Variants in TYW1B observed in about 807,000 individuals in gnomAD.
TYW1B encodes the protein S-adenosyl-L-methionine-dependent tRNA 4-demethylwyosine synthase TYW1B.
Under a neutral mutation model 86.9 loss-of-function variants are expected in TYW1B, and 73 were observed. That is an observed-to-expected ratio of 0.84 (90% CI 0.70 to 1.02). The LOEUF (loss-of-function observed/expected upper bound fraction) is 1.02, where lower values mean the gene tolerates loss of function less well. Ranked by LOEUF, TYW1B falls within the 50% of genes least tolerant of loss-of-function variation. The pLI, the probability that TYW1B is intolerant of heterozygous loss-of-function variation, is 0.00. For missense variants in TYW1B, 637 were observed against 827.4 expected (o/e 0.77, Z 2.82); for synonymous variants, 248 against 292.8 (o/e 0.85, Z 1.56).
intron 6 of TYW1B, among the ~76,000 whole-genome samples, chr7:72,780,397 T>C (rs1213470917): frequency 6.6e-6 from 1 of 152,138 alleles, no homozygotes; most frequent in Non-Finnish European, 1.5e-5. Flanking sequence ...ATGTAAAAAA[T>C]TGAAAAGACA....
rs78630667 is a variant in TYW1B, at chr7:72,623,590, G to A, written c.1617+5297C>T. On this transcript the variant is annotated intron_variant, in intron 12 of 13. Coordinates refer to ENST00000620995, the MANE Select transcript of TYW1B (RefSeq NM_001145440.3). ...CCCTAGTCCTGTCTACTAGGACCAT[G>A]GAGTACTTCCAGAATGGTCTCTTTT... Among the ~76,000 whole-genome samples, 189 of 152,230 alleles carry A rather than the reference G, an allele frequency of 1.2e-3. No individual in the cohort carries two copies. In the East Asian group the frequency reaches 0.016, roughly 13 times the overall value.
intron 8 of TYW1B, among the ~76,000 whole-genome samples, chr7:72,743,573 G>A (rs1464552431): frequency 5.3e-5 from 8 of 152,076 alleles, no homozygotes; most frequent in Non-Finnish European, 7.4e-5. Flanking sequence ...GCTGGGTGCA[G>A]TGGCTCACAC....
intron 13 of TYW1B, among the ~76,000 whole-genome samples, chr7:72,576,667 C>A (rs1811029801): frequency 6.6e-6 from 1 of 152,194 alleles, no homozygotes; most frequent in Admixed American, 6.5e-5. Flanking sequence ...CTCCCGCTAG[C>A]ACACCTGGCT....
chr7:72,628,441 T>C (rs1310627573), intron 12 of TYW1B, among the ~76,000 whole-genome samples: 1 of 152,182 alleles, frequency 6.6e-6, no homozygotes, highest in African/African-American at 2.4e-5. Context: ...AAAGGTATAA[T>C]TGAAACAACT....
At chr7:72,817,339 C>T (rs1157739226) in intron 2 of TYW1B, among the ~76,000 whole-genome samples, 4 of 151,618 alleles carry the variant, frequency 2.6e-5, no homozygotes, top group Admixed American at 2.0e-4. Flanking sequence ...ACCCAGGAGG[C>T]GGAGGTTGCA....
chr7:72,738,921 A>T (rs55979717), intron 8 of TYW1B, among the ~76,000 whole-genome samples: 147,778 of 150,408 alleles, frequency 0.98, 72,609 homozygotes, highest in East Asian at 1. Context: ...AAAAAAAAAA[A>T]AATAATAATA....
At chr7:72,587,498 T>C (rs1435736503) in intron 13 of TYW1B, among the ~76,000 whole-genome samples, 3 of 152,078 alleles carry the variant, frequency 2.0e-5, no homozygotes, top group Non-Finnish European at 2.9e-5. Flanking sequence ...GATGACATCA[T>C]TGGGAACTGA....
intron 11 of TYW1B, among the ~76,000 whole-genome samples, chr7:72,654,955 A>T (rs1674869696): frequency 6.6e-6 from 1 of 152,196 alleles, no homozygotes; most frequent in South Asian, 2.1e-4. Context: ...CGTTAACAAT[A>T]ACAGAAACGG....
intron 9 of TYW1B, among the ~76,000 whole-genome samples, chr7:72,719,128 A>C (rs1447020377): frequency 6.6e-6 from 1 of 152,108 alleles, no homozygotes; most frequent in African/African-American, 2.4e-5. Context: ...TATTTTGTGA[A>C]CTGAAAAATA....
At chr7:72,789,133 G>C (rs1484851604) in intron 6 of TYW1B, among the ~76,000 whole-genome samples, 2 of 141,872 alleles carry the variant, frequency 1.4e-5, no homozygotes, top group Non-Finnish European at 3.1e-5. Flanking sequence ...GCCCGGCCTG[G>C]TGCAGACGTG....
At chr7:72,737,789 T>TC (rs1429951209) in intron 8 of TYW1B, among the ~76,000 whole-genome samples, 1 of 146,594 alleles carries the variant, frequency 6.8e-6, no homozygotes, top group African/African-American at 2.6e-5. Context: ...TTTTACTTCT[T>TC]TTTTTTTTTT....
intron 7 of TYW1B, among the ~76,000 whole-genome samples, chr7:72,753,375 G>A (rs879982715): frequency 9.2e-5 from 14 of 151,940 alleles, no homozygotes; most frequent in Non-Finnish European, 1.8e-4. Flanking sequence ...AAAGGAAGCA[G>A]TAGAGTATCA....
At chr7:72,640,077 GAAC>G (rs1812767441) in intron 11 of TYW1B, among the ~76,000 whole-genome samples, 1 of 150,460 alleles carries the variant, frequency 6.6e-6, no homozygotes, top group Non-Finnish European at 1.5e-5. Flanking sequence ...ACAACTAAAA[GAAC>G]AATAATAAAA....
chr7:72,587,177 A>G (rs1271837489), intron 13 of TYW1B, among the ~76,000 whole-genome samples: 4 of 152,152 alleles, frequency 2.6e-5, no homozygotes, highest in African/African-American at 9.7e-5. Context: ...GCGTGGGAGT[A>G]GAGGAAGTCC....
At chr7:72,618,185 A>T (rs1200168238) in intron 12 of TYW1B, among the ~76,000 whole-genome samples, 37 of 150,132 alleles carry the variant, frequency 2.5e-4, no homozygotes, top group South Asian at 4.2e-4. Flanking sequence ...GACAGGACAC[A>T]CACACACCAC....
chr7:72,724,519 G>C (rs1448616597), intron 9 of TYW1B, among the ~76,000 whole-genome samples: 6 of 151,802 alleles, frequency 4.0e-5, no homozygotes, highest in African/African-American at 1.5e-4. Flanking sequence ...AACAAATGAG[G>C]CTCTCTTATG....
intron 10 of TYW1B, among the ~76,000 whole-genome samples, chr7:72,707,201 G>A (rs1306047237): frequency 1.3e-5 from 2 of 152,248 alleles, no homozygotes; most frequent in Admixed American, 6.5e-5. Flanking sequence ...GTGAGCAAAG[G>A]TGATACAAGC....
chr7:72,816,894 T>C (rs1257312013), intron 2 of TYW1B, among the ~76,000 whole-genome samples: 1 of 152,158 alleles, frequency 6.6e-6, no homozygotes. Context: ...GTGCAGCTCT[T>C]CCATTCGGCC....
intron 13 of TYW1B, among the ~76,000 whole-genome samples, chr7:72,611,999 T>G (rs1554436011): frequency 6.6e-6 from 1 of 152,132 alleles, no homozygotes; most frequent in Non-Finnish European, 1.5e-5. Flanking sequence ...TTTTCCTTCC[T>G]TCTTTCCTTC....
Sources: allele counts gnomAD v4.1 joint callset (sites outside exome capture counted in the v4.1 genomes callset), GRCh38; gene constraint gnomAD v4.1.1; transcripts MANE v1.5; gene names NCBI Gene and HGNC (gene_info 2026-07-23, HGNC 2026-07-21).